The following CUX1 variants were observed in gnomAD, a reference collection of about 807,000 sequenced individuals.
CUX1 encodes the protein protein CASP.
CUX1 carries 31 observed loss-of-function variants against 158.8 expected under a neutral mutation model. The observed-to-expected ratio is 0.20, with a 90% confidence interval of 0.15 to 0.26. The LOEUF (loss-of-function observed/expected upper bound fraction) is 0.26. Ranked by LOEUF, CUX1 falls within the 10% of genes least tolerant of loss-of-function variation. CUX1 has a pLI of 1.00. For missense variants in CUX1, 1,589 were observed against 2,014.6 expected, an observed-to-expected ratio of 0.79 and a Z score of 4.04; for synonymous variants, 879 against 862.1, an observed-to-expected ratio of 1.02 and a Z score of -0.34.
chr7:102,000,064 A>T (rs1816493312), intron 2 of CUX1, among the ~76,000 whole-genome samples: 1 of 152,154 alleles, frequency 6.6e-6, no homozygotes, highest in Non-Finnish European at 1.5e-5. Flanking sequence ...AAAAGTACAA[A>T]AATTAGCTAG....
intron 14 of CUX1, among the ~76,000 whole-genome samples, chr7:102,269,529 C>T (rs1791056606): frequency 6.6e-6 from 1 of 152,016 alleles, no homozygotes; most frequent in Non-Finnish European, 1.5e-5. Flanking sequence ...CCTCAGCCTC[C>T]CAAATAGCTG....
intron 20 of CUX1, among the ~76,000 whole-genome samples, chr7:102,214,798 A>G (rs1161052322): frequency 6.6e-6 from 1 of 152,248 alleles, no homozygotes; most frequent in East Asian, 1.9e-4. Flanking sequence ...GGAGGCTTCC[A>G]TCGGGGCCTC....
chr7:102,178,570 G>C lies in CUX1; in HGVS notation c.930G>C (p.Gln310His). The change falls in exon 11 of 24, where the codon CAG (glutamine) becomes CAC (histidine). Residue 310 changes from glutamine (Q) to histidine (H), a missense_variant. Around this residue, in one of 8 missense-constraint regions of CUX1, gnomAD observed 515 missense variants for 574.4 expected, o/e 0.90. Coordinates refer to ENST00000292535, the MANE Select transcript of CUX1 (RefSeq NM_181552.4). ...TGGTGGAGGACGTGCAGAGACTCCA[G>C]GCCAGCCTCACCAAGCTGCGGGAGA... Reference protein sequence around the residue: ...AQLVEDVQRLQASLTKLRENS... With the variant: ...AQLVEDVQRLHASLTKLRENS... 2 of 1,612,974 alleles carry C rather than the reference G, an allele frequency of 1.2e-6. No individual in the cohort carries two copies. Among genetic ancestry groups the C allele is most frequent in the Non-Finnish European group, 8.5e-7 (1 of 1,179,548 alleles).
intron 8 of CUX1, among the ~76,000 whole-genome samples, chr7:102,135,774 A>C (rs1449746678): frequency 6.6e-6 from 1 of 152,094 alleles, no homozygotes; most frequent in Non-Finnish European, 1.5e-5. Context: ...CACGAGTTCA[A>C]GACCAGCCTG....
At chr7:101,942,058 C>T (rs1234394441) in intron 2 of CUX1, among the ~76,000 whole-genome samples, 1 of 152,094 alleles carries the variant, frequency 6.6e-6, no homozygotes, top group East Asian at 1.9e-4. Context: ...TAGAAATGTA[C>T]CCAGCTTCTG....
intron 2 of CUX1, among the ~76,000 whole-genome samples, chr7:101,951,068 A>T (rs1315190559): frequency 6.6e-6 from 1 of 152,174 alleles, no homozygotes; most frequent in Non-Finnish European, 1.5e-5. Context: ...CGGTGGCTCA[A>T]CTTGTGATCT....
intron 2 of CUX1, among the ~76,000 whole-genome samples, chr7:101,990,889 G>T (rs1442974737): frequency 6.6e-6 from 1 of 152,298 alleles, no homozygotes. Flanking sequence ...AACTCACAGC[G>T]CCGCTCAGGT....
At chr7:102,223,050 C>T (rs1797994228) in intron 20 of CUX1, among the ~76,000 whole-genome samples, 2 of 151,182 alleles carry the variant, frequency 1.3e-5, no homozygotes, top group Admixed American at 1.3e-4. Flanking sequence ...GTGATCTGCC[C>T]ACCTCAGCCT....
intron 2 of CUX1, among the ~76,000 whole-genome samples, chr7:101,978,051 C>T (rs1471258330): frequency 3.3e-5 from 5 of 151,834 alleles, no homozygotes; most frequent in East Asian, 1.9e-4. Flanking sequence ...TCCCCACTCG[C>T]GCCCTGCACC....
chr7:101,992,316 C>G (rs986514595), intron 2 of CUX1, among the ~76,000 whole-genome samples: 1 of 152,108 alleles, frequency 6.6e-6, no homozygotes, highest in Non-Finnish European at 1.5e-5. Context: ...TATTGTGCAT[C>G]CCTGTAAAAT....
intron 1 of CUX1, among the ~76,000 whole-genome samples, chr7:101,833,560 C>G (rs975097927): frequency 3.9e-5 from 2 of 51,452 alleles, no homozygotes; most frequent in African/African-American, 9.7e-5. Context: ...GACTCTGTCT[C>G]TTAAAAAAAA....
intron 2 of CUX1, among the ~76,000 whole-genome samples, chr7:101,944,671 A>C (rs1808164759): frequency 6.6e-6 from 1 of 152,238 alleles, no homozygotes; most frequent in Non-Finnish European, 1.5e-5. Context: ...TCCTCCGGGC[A>C]GTCCATGTCA....
At chr7:102,268,022 GC>G (rs1256690994) in intron 14 of CUX1, among the ~76,000 whole-genome samples, 2 of 152,034 alleles carry the variant, frequency 1.3e-5, no homozygotes, top group African/African-American at 4.8e-5. Context: ...TCTGTGAGGT[GC>G]CCCCTCTAGG....
chr7:102,035,667 A>AAAT (rs1455809017), intron 3 of CUX1, among the ~76,000 whole-genome samples: 9 of 151,474 alleles, frequency 5.9e-5, no homozygotes, highest in Non-Finnish European at 1.3e-4. Context: ...AAAAAAAAAA[A>AAAT]AAACTATAGC....
At chr7:102,034,060 C>T (rs1248817788) in intron 3 of CUX1, among the ~76,000 whole-genome samples, 3 of 135,208 alleles carry the variant, frequency 2.2e-5, no homozygotes, top group Non-Finnish European at 4.6e-5. Flanking sequence ...GCAGGAGAAT[C>T]GCTTAAACCC....
intron 1 of CUX1, among the ~76,000 whole-genome samples, chr7:101,835,373 C>G (rs997580208): frequency 1.3e-5 from 2 of 152,104 alleles, no homozygotes; most frequent in Non-Finnish European, 2.9e-5. Flanking sequence ...TATGGGCATA[C>G]CAGGTTTTGT....
Position 102,201,896 on chromosome 7 carries a change from C to T in CUX1, c.2599C>T (p.Arg867Cys), listed in dbSNP as rs782274063. ...SGGGSQPRAE[R>C]SQLQGPSSSE... Reference sequence around the variant, plus strand: ...AGGTGGCAGCCAGCCTCGGGCCGAGCGCAGTCAGCTCCAGGGACCCTCGTC... The same window carrying T: ...AGGTGGCAGCCAGCCTCGGGCCGAGTGCAGTCAGCTCCAGGGACCCTCGTC... Residue 867 changes from arginine to cysteine, a missense_variant, in exon 18 of 24, where the codon CGC becomes TGC. Arg to Cys is a radical substitution (Grantham distance 180, BLOSUM62 -3). Coordinates refer to ENST00000292535, the MANE Select transcript of CUX1 (RefSeq NM_181552.4). This position sits in a 1 kb window ranked among gnomAD's most constrained non-coding sequence, Gnocchi z 5.0. 5.6e-6 allele frequency: 9 copies of T among 1,613,700 alleles called. No individual in the cohort carries two copies. Among genetic ancestry groups the T allele is most frequent in the East Asian group, 2.2e-5 (1 of 44,880 alleles).
intron 14 of CUX1, among the ~76,000 whole-genome samples, chr7:102,269,947 G>C (rs531746516): frequency 6.6e-6 from 1 of 152,052 alleles, no homozygotes; most frequent in South Asian, 2.1e-4. Context: ...AAGCACCTTC[G>C]TGCTTACCAG....
At chr7:102,157,259 A>G (rs1046714803) in intron 8 of CUX1, among the ~76,000 whole-genome samples, 1 of 152,082 alleles carries the variant, frequency 6.6e-6, no homozygotes, top group African/African-American at 2.4e-5. Context: ...GAGCCACAGC[A>G]TGAGAGCCCT....
Sources: allele counts gnomAD v4.1 joint callset (sites outside exome capture counted in the v4.1 genomes callset), GRCh38; gene constraint gnomAD v4.1.1; regional missense constraint gnomAD v4.1.1; non-coding constraint Gnocchi (gnomAD v3.1); transcripts MANE v1.5; gene names NCBI Gene and HGNC (gene_info 2026-07-23, HGNC 2026-07-21).